Variants in PAK2 observed in about 807,000 individuals in gnomAD.
PAK2 encodes serine/threonine-protein kinase PAK 2.
Under a neutral mutation model 65.9 loss-of-function variants are expected in PAK2, and 21 were observed. The observed-to-expected ratio is 0.32, with a 90% CI of 0.23 to 0.46. The LOEUF (loss-of-function observed/expected upper bound fraction) is 0.46, where lower values mean the gene tolerates loss of function less well. Among genes scored for constraint, PAK2 ranks in the 20% least tolerant of loss-of-function variants. The probability of loss-of-function intolerance (pLI) is 1.00; values close to 1 mark genes in which losing one functional copy is unlikely to be tolerated. For missense variants in PAK2, 324 were observed against 642.6 expected (o/e 0.50, Z 5.36); for synonymous variants, 204 against 219.7 (o/e 0.93, Z 0.63).
intron 7 of PAK2, among the ~76,000 whole-genome samples, chr3:196,809,664 A>AG (rs1438510725): frequency 6.6e-6 from 1 of 151,844 alleles, no homozygotes; most frequent in Non-Finnish European, 1.5e-5. Flanking sequence ...AAAAAAAAAA[A>AG]AAAAATTAAC....
chr3:196,823,284 T>C (rs1455050957), intron 13 of PAK2, among the ~76,000 whole-genome samples: 2 of 152,112 alleles, frequency 1.3e-5, no homozygotes, highest in African/African-American at 4.8e-5. Flanking sequence ...ACTAACGGGA[T>C]CTGTTCCCAA....
At chr3:196,793,699 G>A (rs1715151621) in intron 2 of PAK2, among the ~76,000 whole-genome samples, 1 of 152,196 alleles carries the variant, frequency 6.6e-6, no homozygotes, top group African/African-American at 2.4e-5. Flanking sequence ...AGGAGATAGA[G>A]GAATCCATGA....
At chr3:196,761,427 ACC>A (rs1713959811) in intron 1 of PAK2, among the ~76,000 whole-genome samples, 7 of 68,636 alleles carry the variant, frequency 1.0e-4, no homozygotes, top group Admixed American at 9.1e-4. Flanking sequence ...AATCCATTTA[ACC>A]CTGAGTGGAC....
chr3:196,814,699 C>T, intron 11 of PAK2, 131 bp downstream of exon 11: 1 of 625,320 alleles, frequency 1.6e-6, no homozygotes, highest in South Asian at 1.9e-5. Flanking sequence ...CTGCAAATTA[C>T]TCCATCTCCG....
In PAK2 at chr3:196,762,134, C is replaced by T. The variant is rs532416354; in HGVS notation, c.-21-20492C>T. Among the ~76,000 whole-genome samples the T allele has an allele frequency of 1.2e-3, 134 of 114,168 alleles. 8 individuals are homozygous for T. Among genetic ancestry groups the T allele is most frequent in the African/African-American group, 4.1e-3 (127 of 31,150 alleles). The allele number at this position is 114,168 out of a possible 152,430, so 74.9% of individuals were successfully genotyped here. A position where few individuals can be genotyped will look rare whatever the true frequency, so the allele number is the denominator to read the frequency against. On this transcript the variant is annotated intron_variant, in intron 1 of 14. Coordinates refer to ENST00000327134, the MANE Select transcript of PAK2 (RefSeq NM_002577.4). ...GCAGAGGCGTCCCCCACATCTCAGA[C>T]GATGGGCGCCCGGGCAGAGACGCTC...
chr3:196,764,046 G>A (rs963522432), intron 1 of PAK2, among the ~76,000 whole-genome samples: 11 of 151,070 alleles, frequency 7.3e-5, no homozygotes, highest in Non-Finnish European at 1.2e-4. Flanking sequence ...GACCTCAGGT[G>A]ATCCACCTGC....
chr3:196,753,350 TCCTCCCATCTCAGCCG>T (rs1488802823), intron 1 of PAK2, among the ~76,000 whole-genome samples: 1 of 151,942 alleles, frequency 6.6e-6, no homozygotes, highest in Non-Finnish European at 1.5e-5. Context: ...TTTCAGGCAG[TCCTCCCATCTCAGCCG>T]CCTGAGTAGC....
At chr3:196,785,868 G>T (rs1714872253) in intron 2 of PAK2, among the ~76,000 whole-genome samples, 1 of 152,118 alleles carries the variant, frequency 6.6e-6, no homozygotes. Flanking sequence ...GTGAAGACCT[G>T]CCCATGATTC....
intron 2 of PAK2, among the ~76,000 whole-genome samples, chr3:196,789,685 G>A (rs1336133556): frequency 1.3e-5 from 2 of 152,006 alleles, no homozygotes; most frequent in Non-Finnish European, 2.9e-5. Flanking sequence ...GGCTGGTCTC[G>A]AACTCCTGAC....
intron 2 of PAK2, among the ~76,000 whole-genome samples, chr3:196,797,135 C>A (rs745894395): frequency 2.1e-4 from 32 of 152,268 alleles, no homozygotes; most frequent in Admixed American, 5.9e-4. Context: ...AATATACATT[C>A]TCTTTAAAGA....
chr3:196,778,591 T>C (rs529279720), intron 1 of PAK2, among the ~76,000 whole-genome samples: 1 of 152,350 alleles, frequency 6.6e-6, no homozygotes, highest in South Asian at 2.1e-4. Flanking sequence ...ATAACCGTGA[T>C]ACGTATGTCA....
intron 10 of PAK2, 79 bp downstream of exon 10, chr3:196,812,930 A>G (rs1476775902): frequency 3.1e-6 from 2 of 652,694 alleles, no homozygotes; most frequent in African/African-American, 1.8e-5. Context: ...GGGGCTGGCC[A>G]CTTTGGAATA....
At chr3:196,800,176 T>C (rs1274006036) in intron 2 of PAK2, among the ~76,000 whole-genome samples, 2 of 151,748 alleles carry the variant, frequency 1.3e-5, no homozygotes, top group Admixed American at 1.3e-4. Flanking sequence ...AGGCCAGGAG[T>C]TTGAGACCAG....
rs1129168 is a variant in PAK2, at chr3:196,829,938, T to A, written c.*1533T>A. On this transcript the variant is annotated 3_prime_UTR_variant, in exon 15 of 15. Coordinates refer to ENST00000327134, the MANE Select transcript of PAK2 (RefSeq NM_002577.4). ...TCTCTTCTCTTTTTTCCTCTCCTCT[T>A]CTTCTCCTTTATTCATTGTTTTGCT... is the stretch of plus-strand genomic sequence containing the variant. The A allele has an allele frequency of 6.6e-6, 1 of 151,452 alleles. No individual in the cohort carries two copies. The highest frequency in any genetic ancestry group is 1.5e-5 in the Non-Finnish European group (1 of 67,954). The allele number at this position is 151,452 out of a possible 1,614,324, so 9.4% of individuals were successfully genotyped here. A position where few individuals can be genotyped will look rare whatever the true frequency, so the allele number is the denominator to read the frequency against.
chr3:196,808,334 G>A (rs1015580668), intron 7 of PAK2, among the ~76,000 whole-genome samples: 1 of 150,590 alleles, frequency 6.6e-6, no homozygotes, highest in Non-Finnish European at 1.5e-5. Flanking sequence ...AGGCCGAGGT[G>A]GGCGGATCAC....
At chr3:196,759,613 G>C (rs1235506469) in intron 1 of PAK2, among the ~76,000 whole-genome samples, 2 of 142,254 alleles carry the variant, frequency 1.4e-5, no homozygotes. Flanking sequence ...TGCAACCTCT[G>C]CCTCCCAGGT....
chr3:196,789,764 C>T (rs979364403), intron 2 of PAK2, among the ~76,000 whole-genome samples: 8 of 152,146 alleles, frequency 5.3e-5, no homozygotes, highest in African/African-American at 1.7e-4. Flanking sequence ...CGTGCCTGGC[C>T]GGAAAACAAT....
At chr3:196,760,851 C>T (rs1014143613) in intron 1 of PAK2, among the ~76,000 whole-genome samples, 11 of 152,050 alleles carry the variant, frequency 7.2e-5, no homozygotes, top group Non-Finnish European at 1.5e-4. Flanking sequence ...TTGGTGCCTC[C>T]GTGTTAAAAG....
chr3:196,782,740 T>C lies in PAK2; in HGVS notation c.94T>C (p.Ser32Pro), dbSNP rs765972212. The change falls in exon 2 of 15, where the codon TCA becomes CCA. Residue 32 changes from serine (S) to proline (P), a missense_variant. By Grantham distance (74) the Ser-to-Pro change is moderately conservative (BLOSUM62 -1). Coordinates refer to ENST00000327134, the MANE Select transcript of PAK2 (RefSeq NM_002577.4). Reference sequence around the variant, plus strand: ...TAGCACTGGAGGCAAAGACCCTTTGTCAGCCAATCACAGTTTGAAACCTTT... The same window carrying C: ...TAGCACTGGAGGCAAAGACCCTTTGCCAGCCAATCACAGTTTGAAACCTTT... ...IFSTGGKDPL[S>P]ANHSLKPLPS... is the part of the protein sequence containing the mutation. The C allele has an allele frequency of 6.2e-7, 1 of 1,612,562 alleles. No homozygotes were observed. Among genetic ancestry groups the C allele is most frequent in the South Asian group, 1.1e-5 (1 of 91,062 alleles).
Sources: gnomAD v4.1 joint callset for allele counts (sites outside exome capture counted in the v4.1 genomes callset) on GRCh38, gnomAD v4.1.1 for gene constraint, MANE v1.5 for transcripts, NCBI Gene and HGNC (gene_info 2026-07-23, HGNC 2026-07-21) for gene names.